MACROH2A2: variants seen among roughly 807,000 people sequenced by gnomAD.
MACROH2A2 encodes core histone macro-H2A.2.
Under a neutral mutation model 37.6 loss-of-function variants are expected in MACROH2A2, and 6 were observed. The ratio of observed to expected loss-of-function variants is 0.16; its 90% confidence interval spans 0.09 to 0.32. MACROH2A2 has a LOEUF of 0.32. MACROH2A2 is among the 10% of genes least tolerant of loss of function. The pLI is 1.00. For missense variants in MACROH2A2, 290 were observed against 485.9 expected, an observed-to-expected ratio of 0.60 and a Z score of 3.79; for synonymous variants, 192 against 202.7, an observed-to-expected ratio of 0.95 and a Z score of 0.45.
intron 1 of MACROH2A2, among the ~76,000 whole-genome samples, chr10:70,065,810 G>T (rs574995370): frequency 1.3e-4 from 20 of 151,960 alleles, no homozygotes; most frequent in African/African-American, 4.8e-4. Flanking sequence ...AGGGGGGAGG[G>T]ATAATCAAAG....
intron 2 of MACROH2A2, among the ~76,000 whole-genome samples, chr10:70,087,320 A>G (rs1589836626): frequency 6.7e-6 from 1 of 148,788 alleles, no homozygotes; most frequent in East Asian, 2.0e-4. Context: ...TGCAGCCTCC[A>G]CTCCCAGGTT....
chr10:70,090,528 A>G lies in MACROH2A2; in HGVS notation c.279+362A>G, dbSNP rs138034893. On this transcript the variant is annotated intron_variant, in intron 3 of 8. Coordinates refer to ENST00000373255, the MANE Select transcript of MACROH2A2 (RefSeq NM_018649.3). Reference sequence around the variant, plus strand: ...GGCAGAAGACTCTTTATATTTTAGAACTGACTGTTTATATTCTGAAACTGA... The same window carrying G: ...GGCAGAAGACTCTTTATATTTTAGAGCTGACTGTTTATATTCTGAAACTGA... Among the ~76,000 whole-genome samples the G allele has an allele frequency of 3.9e-3, 590 of 152,352 alleles. 5 individuals are homozygous for G. The highest frequency in any genetic ancestry group is 0.014 in the African/African-American group (562 of 41,590).
chr10:70,096,942 A>T (rs2072279977), intron 6 of MACROH2A2, among the ~76,000 whole-genome samples: 1 of 152,224 alleles, frequency 6.6e-6, no homozygotes, highest in Non-Finnish European at 1.5e-5. Context: ...AGTAGCCTTC[A>T]TCTGGAGCTC....
chr10:70,111,423 C>A, intron 8 of MACROH2A2, 95 bp from the exon 9 acceptor site: 1 of 1,109,328 alleles, frequency 9.0e-7, no homozygotes, highest in Non-Finnish European at 1.3e-6. Flanking sequence ...GCCCTGCACA[C>A]AGCAAGGCCC....
At chr10:70,084,195 T>C (rs1368924901) in intron 2 of MACROH2A2, among the ~76,000 whole-genome samples, 2 of 152,208 alleles carry the variant, frequency 1.3e-5, no homozygotes, top group African/African-American at 4.8e-5. Context: ...TCTTATCTAA[T>C]GATCCTTATT....
At position 70,095,704 on chromosome 10, in the gene MACROH2A2, G is replaced by A. The variant is rs142124790; in HGVS notation, c.639G>A (p.Glu213=). Reference sequence around the variant, plus strand: ...GCCATATTGGCTCCATGAGAGTGGAGGGCATTGTCCACCCAACCACAGCCG... The same window carrying A: ...GCCATATTGGCTCCATGAGAGTGGAAGGCATTGTCCACCCAACCACAGCCG... The part of the protein sequence containing the change: ...DISHIGSMRV[E]GIVHPTTAEI... The change falls in exon 6 of 9, where the codon GAG becomes GAA. Residue 213 remains glutamate, a synonymous_variant. Coordinates refer to ENST00000373255, the MANE Select transcript of MACROH2A2 (RefSeq NM_018649.3). 145 of 1,603,984 alleles carry A rather than the reference G, an allele frequency of 9.0e-5. 1 individual carries two copies. In the African/African-American group the frequency reaches 1.8e-3, roughly 20 times the overall value.
intron 2 of MACROH2A2, 83 bp from the exon 3 acceptor site, chr10:70,089,977 A>G (rs919091231): frequency 2.3e-6 from 2 of 877,420 alleles, no homozygotes; most frequent in African/African-American, 3.3e-5. Flanking sequence ...GAATGTGATC[A>G]AACTTGAAGG....
intron 2 of MACROH2A2, among the ~76,000 whole-genome samples, chr10:70,076,638 G>A (rs893855877): frequency 3.9e-5 from 6 of 151,954 alleles, no homozygotes; most frequent in South Asian, 2.1e-4. Flanking sequence ...TAATAGCCAC[G>A]AGCAACAATG....
chr10:70,081,089 A>G, intron 2 of MACROH2A2, among the ~76,000 whole-genome samples: 1 of 150,498 alleles, frequency 6.6e-6, no homozygotes, highest in East Asian at 1.9e-4. Flanking sequence ...AAAAAAAAAA[A>G]AAAGATGTCC....
Position 70,077,365 on chromosome 10 carries a change from C to T in MACROH2A2, c.172+1535C>T, listed in dbSNP as rs184094927. ...GGTGGATCACCTGAGGTCAGGAGTT[C>T]GAGACCAGCCTGGCCAATATGGTGA... On this transcript the variant is annotated intron_variant, in intron 2 of 8. Transcript: ENST00000373255. Among the ~76,000 whole-genome samples the T allele has an allele frequency of 2.0e-3, 306 of 151,694 alleles. 2 individuals are homozygous for T. The highest frequency in any genetic ancestry group is 3.6e-3 in the Non-Finnish European group (246 of 67,924).
At chr10:70,086,476 C>T (rs542228141) in intron 2 of MACROH2A2, among the ~76,000 whole-genome samples, 1 of 152,238 alleles carries the variant, frequency 6.6e-6, no homozygotes, top group South Asian at 2.1e-4. Context: ...TCCTATGCTA[C>T]GTTTGATTCC....
chr10:70,106,615 G>A (rs908735756), intron 7 of MACROH2A2, among the ~76,000 whole-genome samples: 5 of 151,942 alleles, frequency 3.3e-5, no homozygotes, highest in African/African-American at 1.2e-4. Context: ...TGGCCAACAT[G>A]GTGAAACCCC....
At chr10:70,067,435 A>G (rs2072085748) in intron 1 of MACROH2A2, among the ~76,000 whole-genome samples, 1 of 152,216 alleles carries the variant, frequency 6.6e-6, no homozygotes, top group African/African-American at 2.4e-5. Flanking sequence ...AAGAATTCCG[A>G]TGCTGGACCA....
rs149422432 is a variant in MACROH2A2 at position 70,085,778 on chromosome 10, A to G, written c.173-4282A>G. ...GTCCCCACCACTTAACAGAATTATG[A>G]TCTTCCCACAACATTTGCAGTAGAG... On this transcript the variant is annotated intron_variant, in intron 2 of 8. Coordinates refer to ENST00000373255, the MANE Select transcript of MACROH2A2 (RefSeq NM_018649.3). 3.9e-4 allele frequency among the ~76,000 whole-genome samples: 59 copies of G among 152,280 alleles called. 1 individual carries two copies. Among genetic ancestry groups the G allele is most frequent in the African/African-American group, 1.3e-3 (56 of 41,544 alleles).
chr10:70,076,439 AAG>A (rs1479779737), intron 2 of MACROH2A2, among the ~76,000 whole-genome samples: 1 of 152,192 alleles, frequency 6.6e-6, no homozygotes, highest in Non-Finnish European at 1.5e-5. Flanking sequence ...TTTTTACTGA[AAG>A]ATGAGATTTT....
At chr10:70,098,042 G>T (rs2072285287) in intron 6 of MACROH2A2, among the ~76,000 whole-genome samples, 1 of 152,128 alleles carries the variant, frequency 6.6e-6, no homozygotes, top group Non-Finnish European at 1.5e-5. Flanking sequence ...AGAAGTTCCA[G>T]ACCAACCTGG....
intron 2 of MACROH2A2, among the ~76,000 whole-genome samples, chr10:70,077,634 G>A (rs543132682): frequency 3.3e-5 from 5 of 152,140 alleles, no homozygotes; most frequent in African/African-American, 1.2e-4. Flanking sequence ...GCACTTGGGA[G>A]GCCGAGGCGG....
chr10:70,062,827 T>C (rs2072057664), intron 1 of MACROH2A2, among the ~76,000 whole-genome samples: 1 of 152,158 alleles, frequency 6.6e-6, no homozygotes, highest in Non-Finnish European at 1.5e-5. Context: ...GAAGCTAAAC[T>C]GTAAGGGTAC....
Position 70,093,746 on chromosome 10 carries a change from G to T in MACROH2A2, c.489G>T (p.Lys163Asn), listed in dbSNP as rs755906354. ...KPRTSKKSKP[K>N]DSDKEGTSNS... ...ATTTTTACCGACAGTCCAAACCAAA[G>T]GACAGCGATAAAGAAGGAACTTCAA... Residue 163 changes from lysine (K) to asparagine (N), a missense_variant, in exon 5 of 9, where the codon AAG becomes AAT. Physicochemically the swap from Lys to Asn is moderately conservative, Grantham distance 94 (BLOSUM62 0). Coordinates refer to ENST00000373255, the MANE Select transcript of MACROH2A2 (RefSeq NM_018649.3). 1.2e-5 allele frequency: 20 copies of T among 1,601,604 alleles called. No individual in the cohort carries two copies.
Sources: allele counts gnomAD v4.1 joint callset (sites outside exome capture counted in the v4.1 genomes callset), GRCh38; gene constraint gnomAD v4.1.1; transcripts MANE v1.5; gene names NCBI Gene and HGNC (gene_info 2026-07-23, HGNC 2026-07-21).